The following USP47 variants were observed in gnomAD, a reference collection of about 807,000 sequenced individuals.
USP47 encodes the protein ubiquitin specific peptidase 47.
Under a neutral mutation model 165.1 loss-of-function variants are expected in USP47, and 35 were observed. The ratio of observed to expected loss-of-function variants is 0.21; its 90% CI spans 0.16 to 0.28. The LOEUF is 0.28. USP47 is among the 10% of genes least tolerant of loss of function. USP47 has a pLI of 1.00. For missense variants in USP47, 1,277 were observed against 1,607.4 expected (o/e 0.79, Z 3.52); for synonymous variants, 531 against 544.5 (o/e 0.98, Z 0.35).
intron 8 of USP47, among the ~76,000 whole-genome samples, chr11:11,912,445 T>G (rs1853066344): frequency 6.6e-6 from 1 of 152,128 alleles, no homozygotes; most frequent in South Asian, 2.1e-4. Flanking sequence ...TTTGACAACT[T>G]AGATAAAACG....
intron 5 of USP47, among the ~76,000 whole-genome samples, chr11:11,901,958 CAAA>C (rs34053426): frequency 9.0e-5 from 6 of 66,754 alleles, no homozygotes; most frequent in Admixed American, 1.7e-4. Context: ...GACTCTGTCT[CAAA>C]AAAAAAAAAA....
At chr11:11,948,964 C>T (rs1856037403) in intron 22 of USP47, 1 of 168,234 alleles carries the variant, frequency 5.9e-6, no homozygotes, top group African/African-American at 2.4e-5. Flanking sequence ...TACAGTGCTA[C>T]AGGTGAATAG....
At chr11:11,856,675 A>G (rs1346369106) in intron 1 of USP47, 3 of 152,194 alleles carry the variant, frequency 2.0e-5, no homozygotes, top group African/African-American at 2.4e-5. Flanking sequence ...CTGGAAGGGA[A>G]ATTTGCAAGT....
intron 1 of USP47, among the ~76,000 whole-genome samples, chr11:11,866,601 G>A (rs1849695911): frequency 6.6e-6 from 1 of 152,168 alleles, no homozygotes; most frequent in African/African-American, 2.4e-5. Context: ...GCTAGGTCAG[G>A]ATTCATCACC....
At chr11:11,904,737 G>C (rs1280133574) in intron 7 of USP47, among the ~76,000 whole-genome samples, 1 of 152,098 alleles carries the variant, frequency 6.6e-6, no homozygotes, top group Non-Finnish European at 1.5e-5. Flanking sequence ...TTGGGGACTA[G>C]GTGAGAGATC....
At chr11:11,931,762 C>A (rs1854682991) in intron 14 of USP47, among the ~76,000 whole-genome samples, 2 of 152,204 alleles carry the variant, frequency 1.3e-5, no homozygotes, top group Non-Finnish European at 2.9e-5. Flanking sequence ...ATTTTTTTCC[C>A]CTTTTTAATG....
At chr11:11,896,007 A>G (rs1205952311) in intron 4 of USP47, among the ~76,000 whole-genome samples, 1 of 152,246 alleles carries the variant, frequency 6.6e-6, no homozygotes, top group Non-Finnish European at 1.5e-5. Context: ...TAGACAATGC[A>G]TAATGAGAAA....
chr11:11,890,697 A>G (rs1033967581), intron 3 of USP47, among the ~76,000 whole-genome samples: 26 of 152,336 alleles, frequency 1.7e-4, no homozygotes, highest in African/African-American at 6.0e-4. Flanking sequence ...TCTGTTATAA[A>G]GATACATGCA....
rs938100160 is a variant in USP47, at chr11:11,958,182, G to A, written c.*2007G>A. ...GGGCTTTGGAGTTTGGTCTGATTGG[G>A]TTTGGTTTAGTATTCCTATGAGCGT... On this transcript the variant is annotated 3_prime_UTR_variant, in exon 28 of 28. Transcript: ENST00000527733. The A allele has an allele frequency of 6.6e-6, 1 of 152,164 alleles. No homozygotes were observed. The highest frequency in any genetic ancestry group is 1.5e-5 in the Non-Finnish European group (1 of 68,052). The allele number at this position is 152,164 out of a possible 1,614,324, so 9.4% of individuals were successfully genotyped here. A position where few individuals can be genotyped will look rare whatever the true frequency, so the allele number is the denominator to read the frequency against.
intron 1 of USP47, among the ~76,000 whole-genome samples, chr11:11,865,785 G>C (rs1207201699): frequency 6.6e-6 from 1 of 151,838 alleles, no homozygotes; most frequent in African/African-American, 2.4e-5. Flanking sequence ...TACTGATGTT[G>C]ACCATCTTTT....
intron 11 of USP47, among the ~76,000 whole-genome samples, chr11:11,926,588 G>A (rs987031840): frequency 2.6e-5 from 4 of 151,794 alleles, no homozygotes. Flanking sequence ...CTAAGGGTTT[G>A]TAAACTTTGT....
chr11:11,876,997 A>C (rs1245329616), intron 1 of USP47, among the ~76,000 whole-genome samples: 4 of 152,194 alleles, frequency 2.6e-5, no homozygotes, highest in African/African-American at 9.7e-5. Flanking sequence ...AAGTAGGATC[A>C]GTTTTGGTTA....
intron 1 of USP47, among the ~76,000 whole-genome samples, chr11:11,869,367 T>C (rs1849887389): frequency 6.6e-6 from 1 of 152,192 alleles, no homozygotes; most frequent in South Asian, 2.1e-4. Context: ...GCATCATTTT[T>C]GGAAAGACTA....
At chr11:11,943,244 A>T in intron 20 of USP47, 132 bp downstream of exon 20, 1 of 1,049,954 alleles carries the variant, frequency 9.5e-7, no homozygotes, top group Non-Finnish European at 1.3e-6. Flanking sequence ...AAGATTATTG[A>T]CGCAGTTGTA....
chr11:11,846,440 T>C (rs147090828), intron 1 of USP47, among the ~76,000 whole-genome samples: 8 of 152,234 alleles, frequency 5.3e-5, no homozygotes, highest in Non-Finnish European at 7.4e-5. Flanking sequence ...GTACTTAAAG[T>C]AGTGCTCATG....
intron 11 of USP47, among the ~76,000 whole-genome samples, chr11:11,926,955 G>A (rs1052863864): frequency 7.6e-5 from 8 of 105,560 alleles, no homozygotes; most frequent in Non-Finnish European, 7.4e-5. Flanking sequence ...TTGACCCATT[G>A]GTTGTTCAAG....
intron 1 of USP47, among the ~76,000 whole-genome samples, chr11:11,844,223 T>A (rs1453742361): frequency 6.6e-6 from 1 of 152,220 alleles, no homozygotes; most frequent in Non-Finnish European, 1.5e-5. Context: ...CTGATAGTTT[T>A]TTTAAAAAAA....
intron 1 of USP47, among the ~76,000 whole-genome samples, chr11:11,879,006 C>G (rs1850659210): frequency 6.6e-6 from 1 of 152,132 alleles, no homozygotes; most frequent in Admixed American, 6.5e-5. Flanking sequence ...GATCATATTT[C>G]TGAATAGCCC....
intron 1 of USP47, among the ~76,000 whole-genome samples, chr11:11,860,333 T>C (rs2134188444): frequency 6.6e-6 from 1 of 152,062 alleles, no homozygotes; most frequent in African/African-American, 2.4e-5. Flanking sequence ...GTTAAATGAT[T>C]CGTGTAGGAT....
Sources: allele counts gnomAD v4.1 joint callset (sites outside exome capture counted in the v4.1 genomes callset), GRCh38; gene constraint gnomAD v4.1.1; transcripts MANE v1.5; gene names NCBI Gene and HGNC (gene_info 2026-07-23, HGNC 2026-07-21).